The following RSPRY1 variants were observed in gnomAD, a reference collection of about 807,000 sequenced individuals.
RSPRY1 encodes the protein RING finger and SPRY domain-containing protein 1.
A neutral mutation model predicts 73.1 loss-of-function variants in RSPRY1; 23 were observed. The observed-to-expected ratio is 0.31, with a 90% CI of 0.23 to 0.45. RSPRY1 has a LOEUF of 0.45. RSPRY1 is among the 20% of genes least tolerant of loss of function. The pLI is 1.00. For missense variants in RSPRY1, 448 were observed against 698.7 expected, an observed-to-expected ratio of 0.64 and a Z score of 4.05; for synonymous variants, 226 against 251.4, an observed-to-expected ratio of 0.90 and a Z score of 0.95.
At chr16:57,229,690 CTTTTTTTTTTT>C (rs1162737560) in intron 11 of RSPRY1, among the ~76,000 whole-genome samples, 1 of 42,100 alleles carries the variant, frequency 2.4e-5, no homozygotes, top group Non-Finnish European at 4.0e-5. Flanking sequence ...AAGATAAATG[CTTTTTTTTTTT>C]TTTTTTTTTT....
chr16:57,209,039 T>C, intron 3 of RSPRY1, 36 bp from the exon 4 acceptor site: 1 of 1,331,908 alleles, frequency 7.5e-7, no homozygotes, highest in Non-Finnish European at 1.1e-6. Context: ...TTAAAAATAG[T>C]GACTCCATCA....
chr16:57,202,981 TAAA>T (rs1483202121), intron 1 of RSPRY1, among the ~76,000 whole-genome samples: 18 of 150,644 alleles, frequency 1.2e-4, no homozygotes, highest in African/African-American at 4.4e-4. Context: ...ACTGGGAAAA[TAAA>T]AAGAATTTTG....
At chr16:57,220,133 A>C (rs940271027) in intron 8 of RSPRY1, 10 of 152,164 alleles carry the variant, frequency 6.6e-5, no homozygotes, top group African/African-American at 2.4e-4. Flanking sequence ...GTTTTTTGCT[A>C]TTCTGGGTCT....
At chr16:57,227,538 T>G (rs2075138369) in intron 11 of RSPRY1, 85 bp downstream of exon 11, 2 of 924,904 alleles carry the variant, frequency 2.2e-6, no homozygotes, top group African/African-American at 3.2e-5. Flanking sequence ...AGCCTTAAAA[T>G]GTCTTAGGAG....
chr16:57,212,898 C>CAA (rs113385856), intron 4 of RSPRY1, 74 bp from the exon 5 acceptor site: 17 of 1,293,958 alleles, frequency 1.3e-5, no homozygotes, highest in African/African-American at 3.1e-5. Context: ...GCTTTTGTCT[C>CAA]AAAAAAAAAA....
chr16:57,219,970 A>T (rs775220416), intron 8 of RSPRY1: 3 of 152,016 alleles, frequency 2.0e-5, no homozygotes, highest in Non-Finnish European at 4.4e-5. Flanking sequence ...TTCACTGTAG[A>T]TGTATGGATT....
Position 57,213,094 on chromosome 16 carries a change from A to G in RSPRY1, c.639A>G (p.Leu213=). Residue 213 remains leucine, a synonymous_variant, in exon 5 of 15, where the codon CTA becomes CTG. Coordinates refer to ENST00000394420, the MANE Select transcript of RSPRY1 (RefSeq NM_133368.3). ...SAVLGCLAEK[L]AGPASIGLLS... ...TCCTAGGCTGCTTGGCCGAGAAACTAGCAGGTAACTTTGGGACACTCCACA... is the reference window on the plus strand; with the variant it reads ...TCCTAGGCTGCTTGGCCGAGAAACTGGCAGGTAACTTTGGGACACTCCACA... The G allele has an allele frequency of 6.2e-7, 1 of 1,611,818 alleles. No individual in the cohort carries two copies. Among genetic ancestry groups the G allele is most frequent in the Non-Finnish European group, 8.5e-7 (1 of 1,178,896 alleles).
At chr16:57,231,042 C>A in intron 12 of RSPRY1, 125 bp from the exon 13 acceptor site, 1 of 879,872 alleles carries the variant, frequency 1.1e-6, no homozygotes, top group Non-Finnish European at 1.7e-6. Flanking sequence ...TAAACACAGT[C>A]TGTCACTCTT....
chr16:57,205,814 A>G (rs1183907286), intron 2 of RSPRY1, among the ~76,000 whole-genome samples: 4 of 152,246 alleles, frequency 2.6e-5, no homozygotes, highest in African/African-American at 9.6e-5. Context: ...TTGTTCCCAC[A>G]AGGATTATCA....
chr16:57,195,807 G>A (rs1222858696), intron 1 of RSPRY1, among the ~76,000 whole-genome samples: 1 of 151,558 alleles, frequency 6.6e-6, no homozygotes, highest in Non-Finnish European at 1.5e-5. Context: ...TGGATCATGA[G>A]GTCAGGAGTT....
chr16:57,193,085 T>C (rs2074378906), intron 1 of RSPRY1, among the ~76,000 whole-genome samples: 1 of 152,156 alleles, frequency 6.6e-6, no homozygotes, highest in Admixed American at 6.5e-5. Context: ...CCTCAGTGCA[T>C]AAGGGAAATG....
Position 57,205,021 on chromosome 16 carries a change from C to T in RSPRY1, c.350+13C>T. On this transcript the variant is annotated intron_variant, in intron 2 of 14. Coordinates refer to ENST00000394420, the MANE Select transcript of RSPRY1 (RefSeq NM_133368.3). ...CTCTTGTAGATAAGTAAGTATCTGACTCACGGTCACCTCCAGTGGAATGAA... is the reference window on the plus strand; with the variant it reads ...CTCTTGTAGATAAGTAAGTATCTGATTCACGGTCACCTCCAGTGGAATGAA... 1 of 1,583,922 alleles carries T rather than the reference C, an allele frequency of 6.3e-7. No individual in the cohort carries two copies.
rs984567272 is a variant in RSPRY1 at position 57,220,455 on chromosome 16, A to G, written c.902-277A>G. The G allele has an allele frequency of 3.6e-5, 7 of 195,024 alleles. No homozygotes were observed. The East Asian group carries it at 8.0e-4, about 22-fold the overall frequency. 12.1% of individuals were successfully genotyped at this position (195,024 alleles called of 1,614,324 possible). On this transcript the variant is annotated intron_variant, in intron 8 of 14. Coordinates refer to ENST00000394420, the MANE Select transcript of RSPRY1 (RefSeq NM_133368.3). ...TGATTTCTTCTTCAGATTGTTTGCTATTGGCATATAGAAATGCTATTGATT... is the reference window on the plus strand; with the variant it reads ...TGATTTCTTCTTCAGATTGTTTGCTGTTGGCATATAGAAATGCTATTGATT...
At chr16:57,225,978 TGAGGCAGGAGAATCGCTTAAACCCGG>T (rs1462468871) in intron 10 of RSPRY1, among the ~76,000 whole-genome samples, 1 of 152,064 alleles carries the variant, frequency 6.6e-6, no homozygotes, top group East Asian at 1.9e-4. Flanking sequence ...CTCAGGAGGC[TGAGGCAGGAGAATCGCTTAAACCCGG>T]GAGGCAGAGG....
intron 1 of RSPRY1, among the ~76,000 whole-genome samples, chr16:57,188,990 C>CTTT (rs111782511): frequency 1.7e-4 from 21 of 121,438 alleles, no homozygotes; most frequent in African/African-American, 3.4e-4. Flanking sequence ...TACTCAGTGA[C>CTTT]TTTTTTTTTT....
At chr16:57,197,817 A>G (rs1283265138) in intron 1 of RSPRY1, among the ~76,000 whole-genome samples, 5 of 152,078 alleles carry the variant, frequency 3.3e-5, no homozygotes, top group African/African-American at 1.2e-4. Context: ...TCGACCTCCC[A>G]GGCTCAAGTG....
At chr16:57,201,257 T>A (rs1371962243) in intron 1 of RSPRY1, among the ~76,000 whole-genome samples, 1 of 128,078 alleles carries the variant, frequency 7.8e-6, no homozygotes, top group Non-Finnish European at 1.6e-5. Context: ...GGCTGCCAGG[T>A]GGAGGGGCTC....
intron 4 of RSPRY1, among the ~76,000 whole-genome samples, chr16:57,210,105 C>A (rs1391895204): frequency 6.7e-6 from 1 of 149,324 alleles, no homozygotes; most frequent in Non-Finnish European, 1.5e-5. Flanking sequence ...GCCTCCCTTC[C>A]TTCCCCGGCC....
At chr16:57,232,765 T>C (rs2075244650) in intron 13 of RSPRY1, among the ~76,000 whole-genome samples, 1 of 152,252 alleles carries the variant, frequency 6.6e-6, no homozygotes, top group African/African-American at 2.4e-5. Flanking sequence ...GGGCAGCTTA[T>C]ACATACTCTC....
Sources: gnomAD v4.1 joint callset for allele counts (sites outside exome capture counted in the v4.1 genomes callset) on GRCh38, gnomAD v4.1.1 for gene constraint, MANE v1.5 for transcripts, NCBI Gene and HGNC (gene_info 2026-07-23, HGNC 2026-07-21) for gene names.